The following LPP variants were observed in gnomAD, a reference collection of about 807,000 sequenced individuals.
The protein encoded by LPP is lipoma-preferred partner.
Under a neutral mutation model 60.4 loss-of-function variants are expected in LPP, and 38 were observed. The observed-to-expected ratio is 0.63, with a 90% CI of 0.49 to 0.83. The LOEUF (loss-of-function observed/expected upper bound fraction) is 0.83, where lower values mean the gene tolerates loss of function less well. LPP is among the 40% of genes least tolerant of loss of function. The pLI, the probability that LPP is intolerant of heterozygous loss-of-function variation, is 0.00. For synonymous variants in LPP, 328 were observed against 290.8 expected (o/e 1.13, Z -1.30); for missense variants, 902 against 783.6 (o/e 1.15, Z -1.80).
chr3:188,570,023 CTTT>C lies in LPP; in HGVS notation c.430-39127_430-39125del, dbSNP rs5855208. 4.8e-5 allele frequency among the ~76,000 whole-genome samples: 7 copies of C among 145,776 alleles called. 1 individual carries two copies. In the South Asian group the frequency reaches 1.5e-3, roughly 31 times the overall value. On this transcript the variant is annotated intron_variant, in intron 6 of 11. Transcript: ENST00000617246. The stretch of plus-strand genomic sequence containing the variant: ...ATGAATGGCAACTTCAGTTTAATGG[CTTT>C]TTTTTTTTTTGAGTAGTCACAATCT...
rs143958695 is a variant in LPP at position 188,522,126 on chromosome 3, T to C, written c.307-2539T>C. Among the ~76,000 whole-genome samples, 702 of 152,354 alleles carry C rather than the reference T, an allele frequency of 4.6e-3. 8 individuals are homozygous for C. The highest frequency in any genetic ancestry group is 0.031 in the Middle Eastern group (9 of 294). On this transcript the variant is annotated intron_variant, in intron 5 of 11. Coordinates refer to ENST00000617246, the MANE Select transcript of LPP (RefSeq NM_001375462.1). ...GAGGGATTAGCACCTTGAAAACATC[T>C]GTTTCCAGTATACAGACCTGCTGGC...
At chr3:188,254,804 G>A (rs1383790045) in intron 2 of LPP, among the ~76,000 whole-genome samples, 2 of 152,180 alleles carry the variant, frequency 1.3e-5, no homozygotes, top group Middle Eastern at 3.4e-3. Context: ...CTGTATGGGC[G>A]CCCTCCTGCA....
At chr3:188,229,408 T>C (rs529168870) in intron 2 of LPP, among the ~76,000 whole-genome samples, 1 of 152,218 alleles carries the variant, frequency 6.6e-6, no homozygotes, top group Non-Finnish European at 1.5e-5. Flanking sequence ...TATTTCCTCT[T>C]TGGTCCTCAG....
chr3:188,665,694 C>T (rs897094187), intron 7 of LPP, among the ~76,000 whole-genome samples: 7 of 152,086 alleles, frequency 4.6e-5, no homozygotes, highest in Non-Finnish European at 1.0e-4. Context: ...AACTCCTGAC[C>T]TCGTGATCTG....
intron 1 of LPP, among the ~76,000 whole-genome samples, chr3:188,176,851 G>A (rs1463212359): frequency 2.0e-5 from 3 of 152,222 alleles, no homozygotes; most frequent in African/African-American, 7.2e-5. Flanking sequence ...ATGATAGAGA[G>A]AGACAGCTGA....
rs74528063 is a variant in LPP at position 188,392,351 on chromosome 3, G to A, written c.-9-13761G>A. Among the ~76,000 whole-genome samples, 1,084 of 152,196 alleles carry A rather than the reference G, an allele frequency of 7.1e-3. 11 individuals carry two copies. Among genetic ancestry groups the A allele is most frequent in the African/African-American group, 0.025 (1,018 of 41,516 alleles). On this transcript the variant is annotated intron_variant, in intron 3 of 11. Transcript: ENST00000617246. ...TGGAAAGTACTACATGGAGACATGC[G>A]ATATTATAACATATCAGTGCTTACC...
chr3:188,270,779 A>G (rs74702706), intron 2 of LPP, among the ~76,000 whole-genome samples: 1,762 of 152,268 alleles, frequency 0.012, 34 homozygotes, highest in African/African-American at 0.04. Context: ...GGAACAGTTT[A>G]TTTTCCCTTT....
intron 7 of LPP, among the ~76,000 whole-genome samples, chr3:188,642,542 T>C (rs1850357550): frequency 6.6e-6 from 1 of 152,206 alleles, no homozygotes; most frequent in Admixed American, 6.5e-5. Context: ...TATTTTAGCT[T>C]TATCCCTGAG....
At chr3:188,206,314 A>G (rs886396920) in intron 1 of LPP, among the ~76,000 whole-genome samples, 1 of 152,124 alleles carries the variant, frequency 6.6e-6, no homozygotes, top group Non-Finnish European at 1.5e-5. Flanking sequence ...CCCGAGCCAC[A>G]AGGTCTTTGA....
intron 8 of LPP, among the ~76,000 whole-genome samples, chr3:188,720,049 A>G (rs967570630): frequency 3.9e-5 from 6 of 152,126 alleles, no homozygotes; most frequent in Non-Finnish European, 7.4e-5. Context: ...AGTAGATGGG[A>G]CTACAGGCAC....
chr3:188,279,902 C>T (rs1194327936), intron 2 of LPP, among the ~76,000 whole-genome samples: 9 of 152,078 alleles, frequency 5.9e-5, no homozygotes, highest in Non-Finnish European at 1.0e-4. Context: ...ACCTGGTGAC[C>T]GAATCATTTT....
chr3:188,688,429 G>A (rs17670540), intron 7 of LPP, among the ~76,000 whole-genome samples: 28,281 of 152,218 alleles, frequency 0.19, 3,300 homozygotes, highest in Middle Eastern at 0.38. Context: ...ATGTTATGCA[G>A]ATATATCCCT....
intron 4 of LPP, among the ~76,000 whole-genome samples, chr3:188,447,239 T>C (rs1253014733): frequency 1.3e-5 from 2 of 152,180 alleles, no homozygotes; most frequent in South Asian, 2.1e-4. Context: ...CAGTAGTTTA[T>C]AGAAATTTCC....
intron 9 of LPP, among the ~76,000 whole-genome samples, chr3:188,816,391 C>T (rs146952455): frequency 0.012 from 1,807 of 151,776 alleles, 37 homozygotes; most frequent in African/African-American, 0.042. Flanking sequence ...TTAGTAGAGA[C>T]GGAGTTTCAC....
intron 9 of LPP, among the ~76,000 whole-genome samples, chr3:188,818,389 C>A (rs1396583917): frequency 6.6e-6 from 1 of 152,114 alleles, no homozygotes; most frequent in Non-Finnish European, 1.5e-5. Context: ...TTGGTATTTT[C>A]TCTCTTGAGC....
intron 2 of LPP, among the ~76,000 whole-genome samples, chr3:188,337,866 C>G (rs1762086996): frequency 6.6e-6 from 1 of 152,116 alleles, no homozygotes; most frequent in South Asian, 2.1e-4. Flanking sequence ...GAGACGAGAG[C>G]TAGGGGCCTC....
intron 2 of LPP, among the ~76,000 whole-genome samples, chr3:188,293,251 T>C (rs1746634873): frequency 6.6e-6 from 1 of 152,170 alleles, no homozygotes; most frequent in African/African-American, 2.4e-5. Flanking sequence ...GAAAATGTGG[T>C]TTTTCTTGAG....
chr3:188,276,169 C>T (rs1739605922), intron 2 of LPP, among the ~76,000 whole-genome samples: 1 of 152,214 alleles, frequency 6.6e-6, no homozygotes, highest in Non-Finnish European at 1.5e-5. Flanking sequence ...TCTTGTCTCC[C>T]ATTTTTGTCC....
intron 1 of LPP, among the ~76,000 whole-genome samples, chr3:188,156,993 C>T (rs959694572): frequency 2.6e-4 from 39 of 152,176 alleles, no homozygotes; most frequent in African/African-American, 8.7e-4. Context: ...TACGTTGTAT[C>T]GAATCAATTG....
Sources: allele counts gnomAD v4.1 joint callset (sites outside exome capture counted in the v4.1 genomes callset), GRCh38; gene constraint gnomAD v4.1.1; transcripts MANE v1.5; gene names NCBI Gene and HGNC (gene_info 2026-07-23, HGNC 2026-07-21).